LPP: variants seen among roughly 807,000 people sequenced by gnomAD.
LPP encodes the protein LIM domain containing preferred translocation partner in lipoma, also known as lipoma-preferred partner.
In LPP, 38 loss-of-function variants were observed where a neutral mutation model predicts 60.4. That is an observed-to-expected ratio of 0.63 (90% CI 0.49 to 0.83). LPP has a LOEUF of 0.83. Among genes scored for constraint, LPP ranks in the 40% least tolerant of loss-of-function variants. The pLI, the probability that LPP is intolerant of heterozygous loss-of-function variation, is 0.00. For missense variants in LPP, 902 were observed against 783.6 expected (o/e 1.15, Z -1.80); for synonymous variants, 328 against 290.8 (o/e 1.13, Z -1.30).
chr3:188,703,688 A>C (rs1370287749), intron 7 of LPP, among the ~76,000 whole-genome samples: 1 of 152,224 alleles, frequency 6.6e-6, no homozygotes, highest in East Asian at 1.9e-4. Context: ...GTAGAATCTA[A>C]CAGAAAATAG....
chr3:188,382,436 A>G (rs888864916), intron 3 of LPP, among the ~76,000 whole-genome samples: 11 of 152,202 alleles, frequency 7.2e-5, no homozygotes, highest in African/African-American at 2.2e-4. Context: ...ATTAATAATA[A>G]TGTCTACCCT....
At chr3:188,814,949 C>G (rs920923576) in intron 9 of LPP, among the ~76,000 whole-genome samples, 1 of 152,132 alleles carries the variant, frequency 6.6e-6, no homozygotes, top group Non-Finnish European at 1.5e-5. Flanking sequence ...TGCTCTTATC[C>G]GTAAAATGGG....
intron 7 of LPP, among the ~76,000 whole-genome samples, chr3:188,690,169 A>T (rs1328988142): frequency 2.1e-4 from 32 of 152,220 alleles, no homozygotes; most frequent in African/African-American, 7.0e-4. Flanking sequence ...AGCAGGCGAG[A>T]TGCAGAGAGA....
intron 9 of LPP, among the ~76,000 whole-genome samples, chr3:188,807,831 A>G (rs949752370): frequency 6.6e-6 from 1 of 152,046 alleles, no homozygotes; most frequent in Non-Finnish European, 1.5e-5. Flanking sequence ...GATCAATCCA[A>G]CATCTGTCTT....
rs766590531 is a variant in LPP, at chr3:188,609,289, C to G, written c.558C>G (p.Pro186=). The change falls in exon 7 of 12, where the codon CCC becomes CCG. Residue 186 remains proline (P), a synonymous_variant. Coordinates refer to ENST00000617246, the MANE Select transcript of LPP (RefSeq NM_001375462.1). The surrounding 1 kb of genome is among the most constrained non-coding windows in gnomAD (Gnocchi z 6.9). ...CTACATTGAAACCACAGCCTGCACC[C>G]CAGGCTGGACCCATCCCTGTGGCTC... ...KKSTLKPQPA[P]QAGPIPVAPI... is the part of the protein sequence containing the mutation. 5 of 1,614,102 alleles carry G rather than the reference C, an allele frequency of 3.1e-6. No individual in the cohort carries two copies. The South Asian group carries it at 3.3e-5, about 11-fold the overall frequency.
intron 4 of LPP, among the ~76,000 whole-genome samples, chr3:188,440,970 T>TGTGTGTGTGC (rs1302192093): frequency 2.0e-5 from 3 of 150,384 alleles, no homozygotes; most frequent in African/African-American, 7.3e-5. Context: ...TGTGTGTGTG[T>TGTGTGTGTGC]GCGCCTGTAT....
intron 5 of LPP, among the ~76,000 whole-genome samples, chr3:188,487,112 T>C (rs1440632493): frequency 6.6e-6 from 1 of 152,218 alleles, no homozygotes; most frequent in African/African-American, 2.4e-5. Flanking sequence ...AGACTCGTGA[T>C]TGAAAACTAG....
At chr3:188,791,088 G>A (rs1048338750) in intron 9 of LPP, among the ~76,000 whole-genome samples, 18 of 152,200 alleles carry the variant, frequency 1.2e-4, no homozygotes, top group African/African-American at 3.9e-4. Flanking sequence ...GGCTTTTCTT[G>A]TATCTTGCAG....
At chr3:188,201,028 C>T (rs190815176) in intron 1 of LPP, among the ~76,000 whole-genome samples, 56 of 152,222 alleles carry the variant, frequency 3.7e-4, no homozygotes, top group African/African-American at 6.0e-4. Context: ...TTATTTTTGA[C>T]GACAGCAGTT....
intron 7 of LPP, among the ~76,000 whole-genome samples, chr3:188,625,572 T>C (rs562113495): frequency 6.6e-6 from 1 of 152,286 alleles, no homozygotes; most frequent in South Asian, 2.1e-4. Context: ...TTTCATACTA[T>C]ATAGATCATT....
chr3:188,754,516 A>G (rs1237804141), intron 8 of LPP, among the ~76,000 whole-genome samples: 3 of 152,182 alleles, frequency 2.0e-5, no homozygotes, highest in Non-Finnish European at 4.4e-5. Context: ...GACAAGCAGG[A>G]CAGAAATAGG....
intron 2 of LPP, among the ~76,000 whole-genome samples, chr3:188,330,262 A>G (rs567479924): frequency 6.6e-6 from 1 of 152,338 alleles, no homozygotes; most frequent in South Asian, 2.1e-4. Flanking sequence ...GTTATAGAGT[A>G]ACTTTTTGGG....
chr3:188,713,825 A>T (rs892998382), intron 8 of LPP, among the ~76,000 whole-genome samples: 1 of 152,192 alleles, frequency 6.6e-6, no homozygotes, highest in Non-Finnish European at 1.5e-5. Context: ...GGGTAGAGAG[A>T]TTGACATTTC....
chr3:188,691,973 A>AT (rs1862216990), intron 7 of LPP, among the ~76,000 whole-genome samples: 2 of 152,040 alleles, frequency 1.3e-5, no homozygotes, highest in Non-Finnish European at 2.9e-5. Context: ...AAGACAGCAC[A>AT]TAAAAAAAAA....
intron 3 of LPP, among the ~76,000 whole-genome samples, chr3:188,350,240 A>T (rs1230328292): frequency 1.3e-5 from 2 of 152,226 alleles, no homozygotes; most frequent in Admixed American, 1.3e-4. Context: ...ATTCAGGGCC[A>T]GTCAAGACTT....
At chr3:188,359,104 C>A (rs901359056) in intron 3 of LPP, among the ~76,000 whole-genome samples, 2 of 152,218 alleles carry the variant, frequency 1.3e-5, no homozygotes, top group African/African-American at 2.4e-5. Context: ...TTCCAGCCAA[C>A]CAGCTGGACT....
chr3:188,557,503 C>T (rs1165874495), intron 6 of LPP, among the ~76,000 whole-genome samples: 1 of 152,096 alleles, frequency 6.6e-6, no homozygotes, highest in Non-Finnish European at 1.5e-5. Flanking sequence ...CTGATTCTTG[C>T]CTTGCTCACA....
intron 4 of LPP, among the ~76,000 whole-genome samples, chr3:188,464,964 A>G (rs530856682): frequency 5.1e-4 from 75 of 145,674 alleles, no homozygotes; most frequent in Admixed American, 3.5e-3. Flanking sequence ...TTGAAGCTGA[A>G]AAAGGCTTAC....
intron 4 of LPP, among the ~76,000 whole-genome samples, chr3:188,463,332 GGT>G (rs975922162): frequency 6.7e-6 from 1 of 149,356 alleles, no homozygotes; most frequent in Non-Finnish European, 1.5e-5. Context: ...TAGGACTATA[GGT>G]GTGTGTCATC....
Sources: gnomAD v4.1 joint callset for allele counts (sites outside exome capture counted in the v4.1 genomes callset) on GRCh38, gnomAD v4.1.1 for gene constraint, Gnocchi (gnomAD v3.1) non-coding constraint, MANE v1.5 for transcripts, NCBI Gene and HGNC (gene_info 2026-07-23, HGNC 2026-07-21) for gene names.